Variants in SMAP1 observed in about 807,000 individuals in gnomAD.
SMAP1 encodes the protein stromal membrane-associated protein 1.
A neutral mutation model predicts 58.5 loss-of-function variants in SMAP1; 24 were observed. That is an observed-to-expected ratio of 0.41 (90% CI 0.30 to 0.58). The LOEUF is 0.58. SMAP1 is among the 20% of genes least tolerant of loss of function. The probability of loss-of-function intolerance (pLI) is 0.29; values close to 1 mark genes in which losing one functional copy is unlikely to be tolerated. For synonymous variants in SMAP1, 216 were observed against 196.6 expected, an observed-to-expected ratio of 1.10 and a Z score of -0.82; for missense variants, 563 against 566.3, an observed-to-expected ratio of 0.99 and a Z score of 0.06.
intron 1 of SMAP1, among the ~76,000 whole-genome samples, chr6:70,725,096 T>TTTTTTTTTG (rs1768711459): frequency 2.2e-4 from 1 of 4,640 alleles, no homozygotes; most frequent in Non-Finnish European, 4.0e-4. Context: ...AACCAGTGTT[T>TTTTTTTTTG]TTTTTTTTTT....
At chr6:70,744,739 AAT>A (rs1765954641) in intron 2 of SMAP1, among the ~76,000 whole-genome samples, 1 of 152,164 alleles carries the variant, frequency 6.6e-6, no homozygotes, top group Non-Finnish European at 1.5e-5. Context: ...ATCCTTGGGG[AAT>A]TGCCACACTG....
At chr6:70,797,867 G>A (rs1409036757) in intron 5 of SMAP1, among the ~76,000 whole-genome samples, 1 of 152,060 alleles carries the variant, frequency 6.6e-6, no homozygotes, top group Non-Finnish European at 1.5e-5. Context: ...TCAGTTCTCA[G>A]TTTCTAGTCA....
chr6:70,829,203 G>C (rs2149990477), intron 6 of SMAP1, among the ~76,000 whole-genome samples: 1 of 151,980 alleles, frequency 6.6e-6, no homozygotes, highest in East Asian at 1.9e-4. Flanking sequence ...TTATTGGCAT[G>C]CTTGCTCTGA....
At chr6:70,774,322 A>G (rs910345555) in intron 4 of SMAP1, among the ~76,000 whole-genome samples, 19 of 152,196 alleles carry the variant, frequency 1.2e-4, no homozygotes, top group Admixed American at 3.3e-4. Context: ...ATTATATTCT[A>G]AGGCTAATTG....
In SMAP1 at chr6:70,833,904, CT is replaced by C. The variant is rs892510602; in HGVS notation, c.577-3036del. ...TTCTCTTATTCTCGCCTTAGTGTTTCTCTTTATTTTGCACAGCTATATATAT... is the reference window on the plus strand; with the variant it reads ...TTCTCTTATTCTCGCCTTAGTGTTTCCTTTATTTTGCACAGCTATATATAT... On this transcript the variant is annotated intron_variant, in intron 6 of 10. Coordinates refer to ENST00000370455, the MANE Select transcript of SMAP1 (RefSeq NM_001044305.3). Among the ~76,000 whole-genome samples, 9 of 152,236 alleles carry C rather than the reference CT, an allele frequency of 5.9e-5. No individual in the cohort carries two copies. In the East Asian group the frequency reaches 1.7e-3, roughly 29 times the overall value.
At chr6:70,792,069 A>T (rs574884798) in intron 5 of SMAP1, among the ~76,000 whole-genome samples, 1,591 of 152,080 alleles carry the variant, frequency 0.01, 33 homozygotes, top group African/African-American at 0.036. Context: ...ACGTTTTTTT[A>T]AAAAAAATTT....
chr6:70,777,697 C>G (rs1472958855), intron 4 of SMAP1, among the ~76,000 whole-genome samples: 3 of 150,158 alleles, frequency 2.0e-5, no homozygotes, highest in African/African-American at 7.3e-5. Flanking sequence ...CCAGTGTTTC[C>G]TATGTTTTCT....
chr6:70,785,568 G>C lies in SMAP1; in HGVS notation c.415-6121G>C, dbSNP rs557269227. ...ATAGACCGCTAGCAGGACTAATAAA[G>C]AAGAAAAGAGAGAAGAATCAAATAG... is the stretch of plus-strand genomic sequence containing the variant. On this transcript the variant is annotated intron_variant, in intron 4 of 10. Coordinates refer to ENST00000370455, the MANE Select transcript of SMAP1 (RefSeq NM_001044305.3). Among the ~76,000 whole-genome samples, 125 of 152,182 alleles carry C rather than the reference G, an allele frequency of 8.2e-4. 1 individual carries two copies. Among genetic ancestry groups the C allele is most frequent in the African/African-American group, 2.6e-3 (108 of 41,530 alleles).
At chr6:70,786,669 CAGAG>C (rs1162273214) in intron 4 of SMAP1, among the ~76,000 whole-genome samples, 2 of 152,126 alleles carry the variant, frequency 1.3e-5, no homozygotes, top group African/African-American at 4.8e-5. Flanking sequence ...AACAGACAAA[CAGAG>C]AGCCAAATCA....
At chr6:70,787,526 GA>G (rs1476814959) in intron 4 of SMAP1, among the ~76,000 whole-genome samples, 5 of 152,008 alleles carry the variant, frequency 3.3e-5, no homozygotes, top group African/African-American at 1.2e-4. Flanking sequence ...TACAAAATGG[GA>G]GAAAATTTTT....
intron 6 of SMAP1, among the ~76,000 whole-genome samples, chr6:70,809,324 A>G (rs534344038): frequency 6.6e-6 from 1 of 152,342 alleles, no homozygotes; most frequent in East Asian, 1.9e-4. Flanking sequence ...AGAAATGAAA[A>G]CAACCATCAA....
chr6:70,817,002 T>C (rs866504043), intron 6 of SMAP1, among the ~76,000 whole-genome samples: 4 of 151,872 alleles, frequency 2.6e-5, no homozygotes, highest in East Asian at 3.8e-4. Flanking sequence ...GACATTGCAT[T>C]GCATCTAACA....
intron 3 of SMAP1, among the ~76,000 whole-genome samples, chr6:70,771,169 G>A (rs1767284334): frequency 6.6e-6 from 1 of 152,202 alleles, no homozygotes; most frequent in South Asian, 2.1e-4. Context: ...ACTGGGGGGT[G>A]CCTCCCAGTT....
At chr6:70,756,577 G>A (rs1230257053) in intron 3 of SMAP1, among the ~76,000 whole-genome samples, 1 of 152,086 alleles carries the variant, frequency 6.6e-6, no homozygotes. Flanking sequence ...GTCAGAAGAA[G>A]CTTGGAAGGT....
intron 1 of SMAP1, among the ~76,000 whole-genome samples, chr6:70,719,744 G>A (rs1273796808): frequency 5.3e-5 from 8 of 152,132 alleles, no homozygotes. Context: ...TGAGGAAGAA[G>A]CAAAAGTGGA....
chr6:70,858,027 T>TAATA lies in SMAP1; in HGVS notation c.1068_1069insATAA (p.Gly357IlefsTer53). ...CCTGTGCCTGCAGCTCCTGGCCTTATAGGAAATGTGATGGGACAGAGTCCA... is the reference window on the plus strand; with the variant it reads ...CCTGTGCCTGCAGCTCCTGGCCTTATAATAAGGAAATGTGATGGGACAGAGTCCA... On this transcript the variant is annotated frameshift_variant, in exon 10 of 11. Coordinates refer to ENST00000370455, the MANE Select transcript of SMAP1 (RefSeq NM_001044305.3). LOFTEE classifies it high-confidence loss of function. 6.2e-7 allele frequency: 1 copy of TAATA among 1,614,086 alleles called. No homozygotes were observed. The highest frequency in any genetic ancestry group is 8.5e-7 in the Non-Finnish European group (1 of 1,179,990).
chr6:70,731,077 G>A (rs1765414410), intron 1 of SMAP1, among the ~76,000 whole-genome samples: 1 of 152,236 alleles, frequency 6.6e-6, no homozygotes, highest in African/African-American at 2.4e-5. Context: ...TGGGATTACA[G>A]GCATGAGCCA....
intron 1 of SMAP1, among the ~76,000 whole-genome samples, chr6:70,702,214 G>C (rs1305885518): frequency 7.0e-6 from 1 of 143,708 alleles, no homozygotes; most frequent in South Asian, 2.2e-4. Context: ...TTCTTTTTTG[G>C]GGGGGGTTCC....
chr6:70,690,728 A>G (rs928672114), intron 1 of SMAP1, among the ~76,000 whole-genome samples: 2 of 150,436 alleles, frequency 1.3e-5, no homozygotes, highest in African/African-American at 2.4e-5. Flanking sequence ...TTGATTTGCT[A>G]TGATTTTACA....
Sources: gnomAD v4.1 joint callset for allele counts (sites outside exome capture counted in the v4.1 genomes callset) on GRCh38, gnomAD v4.1.1 for gene constraint, MANE v1.5 for transcripts, NCBI Gene and HGNC (gene_info 2026-07-23, HGNC 2026-07-21) for gene names.